Variants in RUFY4 observed in about 807,000 individuals in gnomAD.
The protein encoded by RUFY4 is RUN and FYVE domain containing 4.
In RUFY4, 73 loss-of-function variants were observed where a neutral mutation model predicts 69.0. That is an observed-to-expected ratio of 1.06 (90% CI 0.88 to 1.29). The LOEUF is 1.29. Ranked by LOEUF, RUFY4 falls within the 50% of genes most tolerant of loss-of-function variation. RUFY4 has a pLI of 0.00. For missense variants in RUFY4, 770 were observed against 705.6 expected (o/e 1.09, Z -1.03); for synonymous variants, 287 against 271.8 (o/e 1.06, Z -0.55).
chr2:218,070,619 G>A lies in RUFY4; in HGVS notation c.14G>A (p.Gly5Glu), dbSNP rs756959583. Residue 5 changes from glycine to glutamate, a missense_variant, in exon 1 of 11, where the codon GGA becomes GAA. Transcript: ENST00000344321. Reference sequence around the variant, plus strand: ...TTCCAAGTACCCATGGCAGAAGAGGGAGCCATCCTCAAGGTCACCAAAGAC... The same window carrying A: ...TTCCAAGTACCCATGGCAGAAGAGGAAGCCATCCTCAAGGTCACCAAAGAC... The A allele has an allele frequency of 1.6e-5, 24 of 1,537,500 alleles. No homozygotes were observed. Among genetic ancestry groups the A allele is most frequent in the African/African-American group, 2.7e-5 (2 of 73,048 alleles).
chr2:218,063,193 A>T (rs758679096), intron 3 of RUFY4, among the ~76,000 whole-genome samples: 5 of 152,228 alleles, frequency 3.3e-5, no homozygotes, highest in Non-Finnish European at 7.3e-5. Flanking sequence ...ACCACAAAAT[A>T]GATCACCCTC....
chr2:218,087,359 G>A (rs1175427399), intron 9 of RUFY4, among the ~76,000 whole-genome samples: 2 of 152,026 alleles, frequency 1.3e-5, no homozygotes, highest in Non-Finnish European at 2.9e-5. Context: ...AGCCACATGT[G>A]GGGTAGTGGC....
chr2:218,058,324 A>AAAACTTACGTTTAT (rs1689109641), intron 2 of RUFY4, among the ~76,000 whole-genome samples: 1 of 152,222 alleles, frequency 6.6e-6, no homozygotes, highest in South Asian at 2.1e-4. Flanking sequence ...CAAGTTAAGA[A>AAAACTTACGTTTAT]AAACTTACGT....
At chr2:218,086,696 G>C (rs745618530) in intron 9 of RUFY4, among the ~76,000 whole-genome samples, 4 of 152,114 alleles carry the variant, frequency 2.6e-5, no homozygotes, top group Non-Finnish European at 4.4e-5. Context: ...GAAAAACAAG[G>C]AAGTAAGCCA....
rs1165571394 is a variant in RUFY4, at chr2:218,064,161, G to A, written c.-1070-4434G>A. ...GGGAAATTCTGCACTGGAGTTTTGC[G>A]GAAAGTGAAGCGTGAAGAAGTATGG... On this transcript the variant is annotated intron_variant and NMD_transcript_variant, in intron 3 of 13. Coordinates refer to the RUFY4 transcript ENST00000457754. Among the ~76,000 whole-genome samples the A allele has an allele frequency of 7.2e-5, 11 of 152,190 alleles. No individual in the cohort carries two copies. In the East Asian group the frequency reaches 7.7e-4, roughly 11 times the overall value.
chr2:218,055,803 T>C (rs541764499), intron 2 of RUFY4, among the ~76,000 whole-genome samples: 1 of 152,338 alleles, frequency 6.6e-6, no homozygotes, highest in East Asian at 1.9e-4. Context: ...TCATCAGAGA[T>C]ATTTGAACTA....
chr2:218,072,645 C>T (rs1689516341), intron 3 of RUFY4, 134 bp from the exon 6 acceptor site: 3 of 1,323,570 alleles, frequency 2.3e-6, no homozygotes, highest in South Asian at 3.0e-5. Flanking sequence ...CCTCCAGACA[C>T]CCTTTTCCTC....
At chr2:218,057,011 C>T (rs890021843) in intron 2 of RUFY4, among the ~76,000 whole-genome samples, 3 of 150,940 alleles carry the variant, frequency 2.0e-5, no homozygotes, top group East Asian at 1.9e-4. Context: ...CCCGGGAGGC[C>T]GAGGTTGCAG....
chr2:218,083,524 C>T (rs1689817158), intron 9 of RUFY4, among the ~76,000 whole-genome samples: 1 of 151,898 alleles, frequency 6.6e-6, no homozygotes, highest in South Asian at 2.1e-4. Context: ...CCAAGGTGGG[C>T]GGATAATGAG....
At chr2:218,090,115 C>A in exon 11 of RUFY4, 1 of 1,041,980 alleles carries the variant, frequency 9.6e-7, no homozygotes, top group Non-Finnish European at 1.4e-6. Context: ...ACTCAATCCA[C>A]TCCCTGCCCG....
intron 6 of RUFY4, among the ~76,000 whole-genome samples, chr2:218,074,422 C>A (rs530858034): frequency 9.2e-5 from 14 of 152,304 alleles, no homozygotes; most frequent in African/African-American, 3.4e-4. Context: ...ACACGCTCCC[C>A]GCATGACAGT....
chr2:218,045,303 T>C (rs1230114252), intron 2 of RUFY4, among the ~76,000 whole-genome samples: 1 of 152,210 alleles, frequency 6.6e-6, no homozygotes, highest in East Asian at 1.9e-4. Flanking sequence ...AACTTGCCCA[T>C]TTATGTCCTA....
At chr2:218,063,471 G>A (rs1170277822) in intron 3 of RUFY4, among the ~76,000 whole-genome samples, 1 of 152,168 alleles carries the variant, frequency 6.6e-6, no homozygotes, top group Non-Finnish European at 1.5e-5. Context: ...TTTAGCAGTT[G>A]CTCAAAAAAG....
intron 2 of RUFY4, among the ~76,000 whole-genome samples, chr2:218,072,098 G>C (rs546944369): frequency 2.8e-4 from 42 of 152,296 alleles, no homozygotes; most frequent in African/African-American, 8.4e-4. Context: ...AAGTCAGTTT[G>C]TTCATAGTTG....
chr2:218,075,807 T>C, intron 7 of RUFY4, 67 bp downstream of exon 9: 1 of 1,345,666 alleles, frequency 7.4e-7, no homozygotes, highest in East Asian at 2.7e-5. Flanking sequence ...GATGAGGGTC[T>C]GCAATGGTAG....
chr2:218,081,244 C>G (rs917445968), intron 8 of RUFY4, among the ~76,000 whole-genome samples: 1 of 152,198 alleles, frequency 6.6e-6, no homozygotes, highest in African/African-American at 2.4e-5. Context: ...TCCCTGCCCC[C>G]CACTGCCCTT....
intron 6 of RUFY4, 167 bp downstream of exon 8, chr2:218,074,052 G>C (rs1689562177): frequency 1.5e-6 from 1 of 687,490 alleles, no homozygotes; most frequent in Non-Finnish European, 2.6e-6. Context: ...GGGAGCTGCA[G>C]AGGAGGAGAG....
In RUFY4 at chr2:218,085,665, A is replaced by C. The variant is rs562218182; in HGVS notation, c.1502+2409A>C. ...ATAAAGTCATTAGAAAGAGCAATCC[A>C]TACCTGCTGCCTTCTGCCTGCCTCC... On this transcript the variant is annotated intron_variant, in intron 9 of 10. Transcript: ENST00000344321. 4.5e-4 allele frequency among the ~76,000 whole-genome samples: 69 copies of C among 152,324 alleles called. 1 individual carries two copies. Among genetic ancestry groups the C allele is most frequent in the Non-Finnish European group, 8.7e-4 (59 of 68,032 alleles).
chr2:218,072,554 C>T, intron 3 of RUFY4, 55 bp downstream of exon 5: 1 of 1,525,396 alleles, frequency 6.6e-7, no homozygotes, highest in Non-Finnish European at 8.8e-7. Flanking sequence ...ACATAGGCCT[C>T]CTCCTTTTCC....
Sources: allele counts gnomAD v4.1 joint callset (sites outside exome capture counted in the v4.1 genomes callset), GRCh38; gene constraint gnomAD v4.1.1; transcripts MANE v1.5; gene names NCBI Gene and HGNC (gene_info 2026-07-23, HGNC 2026-07-21).